The following PRSS55 variants were observed in gnomAD, a reference collection of about 807,000 sequenced individuals.
The protein encoded by PRSS55 is serine protease 55.
PRSS55 carries 41 observed loss-of-function variants against 23.6 expected under a neutral mutation model. That is an observed-to-expected ratio of 1.74 (90% CI 1.35 to 2.26). PRSS55 has a LOEUF of 2.26. PRSS55 is among the 30% of genes most tolerant of loss of function. The pLI, the probability that PRSS55 is intolerant of heterozygous loss-of-function variation, is 0.00. For missense variants in PRSS55, 669 were observed against 439.1 expected (o/e 1.52, Z -4.68); for synonymous variants, 262 against 175.5 (o/e 1.49, Z -3.90).
chr8:10,540,690 G>A (rs1361356557), downstream of PRSS55: 1 of 152,154 alleles, frequency 6.6e-6, no homozygotes, highest in Non-Finnish European at 1.5e-5. Flanking sequence ...ACTCCGGCCT[G>A]GGCATCAAGA....
intron 3 of PRSS55, among the ~76,000 whole-genome samples, chr8:10,532,687 T>C (rs1812311720): frequency 6.6e-6 from 1 of 152,036 alleles, no homozygotes. Flanking sequence ...AGAAATTTGG[T>C]TTTGAATGAG....
downstream of PRSS55, among the ~76,000 whole-genome samples, chr8:10,543,517 C>T (rs1812730244): frequency 6.9e-6 from 1 of 144,616 alleles, no homozygotes; most frequent in Non-Finnish European, 1.5e-5. Context: ...CTCTGTCGCC[C>T]AGGCTCAGTG....
chr8:10,533,102 C>G (rs1812331837), intron 4 of PRSS55, 54 bp downstream of exon 4: 1 of 1,577,770 alleles, frequency 6.3e-7, no homozygotes, highest in Admixed American at 1.7e-5. Context: ...CTGGGAACTG[C>G]CAGTGCAAGG....
At chr8:10,543,029 C>T (rs1197643734), downstream of PRSS55, among the ~76,000 whole-genome samples, 2 of 152,122 alleles carry the variant, frequency 1.3e-5, no homozygotes, top group African/African-American at 2.4e-5. Context: ...TCTGATGTCA[C>T]CTTTCTCAAG....
Position 10,533,066 on chromosome 8 carries a change from T to C in PRSS55, c.741+18T>C. 1 of 1,613,780 alleles carries C rather than the reference T, an allele frequency of 6.2e-7. No individual in the cohort carries two copies. The highest frequency in any genetic ancestry group is 8.5e-7 in the Non-Finnish European group (1 of 1,179,746). ...CCTGCAAGGTAACTAGGGGGTACCC[T>C]CCCTCACCTTATAGGTCCTCACCCT... On this transcript the variant is annotated intron_variant, in intron 4 of 4. Transcript: ENST00000328655.
downstream of PRSS55, among the ~76,000 whole-genome samples, chr8:10,542,858 A>T (rs1812698045): frequency 7.0e-6 from 1 of 142,660 alleles, no homozygotes; most frequent in African/African-American, 2.7e-5. Flanking sequence ...GGGTGACAAA[A>T]GCAAAACTTT....
intron 1 of PRSS55, among the ~76,000 whole-genome samples, chr8:10,528,110 G>C (rs1812102643): frequency 6.6e-6 from 1 of 151,260 alleles, no homozygotes; most frequent in Admixed American, 6.6e-5. Context: ...GAGGCAGGAG[G>C]ATTGCTTGAA....
chr8:10,532,798 AGGGGAT>A, intron 3 of PRSS55, 102 bp from the exon 4 acceptor site: 1 of 1,383,520 alleles, frequency 7.2e-7, no homozygotes, highest in Middle Eastern at 2.2e-4. Flanking sequence ...CTGTGAAGGA[AGGGGAT>A]GGGGGCTGGG....
chr8:10,540,310 C>G (rs1261981471), downstream of PRSS55: 2 of 152,292 alleles, frequency 1.3e-5, no homozygotes, highest in Non-Finnish European at 2.9e-5. Context: ...CCTGGGCCAC[C>G]ACCGAAGATG....
At chr8:10,553,645 G>C (rs545044912) in intron 4 of PRSS55, among the ~76,000 whole-genome samples, 34 of 152,160 alleles carry the variant, frequency 2.2e-4, no homozygotes, top group Non-Finnish European at 4.6e-4. Context: ...AGACCCGGAG[G>C]GGGAAATGGT....
At chr8:10,553,553 C>G (rs4320513) in intron 4 of PRSS55, among the ~76,000 whole-genome samples, 129,364 of 152,226 alleles carry the variant, frequency 0.85, 56,467 homozygotes, top group East Asian at 1. Context: ...GGCCCAGAAA[C>G]ACAAATACTG....
At chr8:10,526,963 G>A (rs1338268006) in intron 1 of PRSS55, among the ~76,000 whole-genome samples, 1 of 152,146 alleles carries the variant, frequency 6.6e-6, no homozygotes, top group Non-Finnish European at 1.5e-5. Flanking sequence ...AGCCTACCCT[G>A]AGCACGTGCC....
chr8:10,536,696 A>C (rs1812467546), intron 4 of PRSS55, among the ~76,000 whole-genome samples: 1 of 151,296 alleles, frequency 6.6e-6, no homozygotes, highest in Non-Finnish European at 1.5e-5. Flanking sequence ...AAAAAAAAAC[A>C]AAATCATATC....
At chr8:10,532,408 C>T (rs1812301121) in intron 3 of PRSS55, among the ~76,000 whole-genome samples, 1 of 152,118 alleles carries the variant, frequency 6.6e-6, no homozygotes, top group South Asian at 2.1e-4. Context: ...TCTGGCGGCC[C>T]AGAAAGGGCC....
chr8:10,552,085 C>T (rs541567364), intron 4 of PRSS55, among the ~76,000 whole-genome samples: 1 of 152,274 alleles, frequency 6.6e-6, no homozygotes, highest in South Asian at 2.1e-4. Context: ...GTGCTCTGTG[C>T]AAAGGGAAAT....
intron 4 of PRSS55, among the ~76,000 whole-genome samples, chr8:10,553,488 C>A (rs1812995781): frequency 6.6e-6 from 1 of 152,164 alleles, no homozygotes; most frequent in Non-Finnish European, 1.5e-5. Context: ...GAAATTCTGT[C>A]ATTGACAATG....
chr8:10,538,502 C>T lies in PRSS55; in HGVS notation c.768C>T (p.Cys256=), dbSNP rs147154421. Residue 256 remains cysteine, a synonymous_variant, in exon 5 of 5, where the codon TGC becomes TGT. Transcript: ENST00000328655. ...CKGDSGGPLV[C]TPEPGEKWYQ... ...GTGACAGTGGGGGGCCTCTGGTCTG[C>T]ACCCCAGAGCCTGGTGAGAAGTGGT... is the stretch of plus-strand genomic sequence containing the variant. 92 of 1,613,690 alleles carry T rather than the reference C, an allele frequency of 5.7e-5. No individual in the cohort carries two copies. The highest frequency in any genetic ancestry group is 7.7e-5 in the Non-Finnish European group (91 of 1,179,850).
intron 4 of PRSS55, among the ~76,000 whole-genome samples, chr8:10,534,650 C>G (rs1488285537): frequency 1.3e-5 from 2 of 152,174 alleles, no homozygotes; most frequent in Non-Finnish European, 2.9e-5. Flanking sequence ...CTCTCAGGAC[C>G]AGAACAACAC....
downstream of PRSS55, among the ~76,000 whole-genome samples, chr8:10,542,250 C>G (rs557607081): frequency 6.6e-6 from 1 of 151,974 alleles, no homozygotes; most frequent in Non-Finnish European, 1.5e-5. Context: ...TGCCCCAGTG[C>G]GGATGTGTGG....
Sources: allele counts gnomAD v4.1 joint callset (sites outside exome capture counted in the v4.1 genomes callset), GRCh38; gene constraint gnomAD v4.1.1; transcripts MANE v1.5; gene names NCBI Gene and HGNC (gene_info 2026-07-23, HGNC 2026-07-21).